ORC3: variants seen among roughly 807,000 people sequenced by gnomAD.
The protein encoded by ORC3 is origin recognition complex subunit 3.
ORC3 carries 78 observed loss-of-function variants against 100.7 expected under a neutral mutation model. The observed-to-expected ratio is 0.77, with a 90% confidence interval of 0.65 to 0.94. ORC3 has a LOEUF of 0.94. Among genes scored for constraint, ORC3 ranks in the 40% least tolerant of loss-of-function variants. The probability of loss-of-function intolerance (pLI) is 0.00; values close to 1 mark genes in which losing one functional copy is unlikely to be tolerated. For synonymous variants in ORC3, 295 were observed against 289.3 expected, an observed-to-expected ratio of 1.02 and a Z score of -0.20; for missense variants, 789 against 823.9, an observed-to-expected ratio of 0.96 and a Z score of 0.52.
chr6:87,605,154 G>T (rs771894598), intron 4 of ORC3, among the ~76,000 whole-genome samples: 4 of 152,136 alleles, frequency 2.6e-5, no homozygotes, highest in Non-Finnish European at 5.9e-5. Flanking sequence ...AATACCAAAA[G>T]AACCCATAGT....
At chr6:87,596,199 T>G (rs1013697074) in intron 2 of ORC3, among the ~76,000 whole-genome samples, 1 of 150,136 alleles carries the variant, frequency 6.7e-6, no homozygotes, top group African/African-American at 2.5e-5. Context: ...CTCAGCATGA[T>G]CTCAGCTCAC....
chr6:87,674,725 C>T, the ORC3 span, among the ~76,000 whole-genome samples: 6 of 149,476 alleles, frequency 4.0e-5, no homozygotes, highest in African/African-American at 1.0e-4. Context: ...CCTCCCGCCT[C>T]GGCCTCCCAA....
chr6:87,610,934 CTTTTTTTTTT>C (rs67349945), intron 7 of ORC3, among the ~76,000 whole-genome samples: 74 of 106,814 alleles, frequency 6.9e-4, no homozygotes, highest in Non-Finnish European at 1.2e-3. Context: ...TAGGACTTTT[CTTTTTTTTTT>C]TTTTTTTTTT....
At chr6:87,605,587 ATGCAGTGAGC>A (rs1181082966) in intron 4 of ORC3, among the ~76,000 whole-genome samples, 7 of 151,870 alleles carry the variant, frequency 4.6e-5, no homozygotes, top group Non-Finnish European at 8.8e-5. Flanking sequence ...GAGGTGAAGG[ATGCAGTGAGC>A]TGAGATTGAG....
At chr6:87,674,686 G>A in the ORC3 span, among the ~76,000 whole-genome samples, 2 of 142,680 alleles carry the variant, frequency 1.4e-5, no homozygotes, top group African/African-American at 5.8e-5. Context: ...GTGTTAGCCA[G>A]GATAGTCTCG....
chr6:87,666,156 G>A (rs1015126727), intron 19 of ORC3, among the ~76,000 whole-genome samples: 10 of 151,906 alleles, frequency 6.6e-5, no homozygotes, highest in South Asian at 4.2e-4. Flanking sequence ...TTTTTGAGAC[G>A]GAGTCTCGTC....
chr6:87,666,267 G>T (rs1304709777), intron 19 of ORC3, among the ~76,000 whole-genome samples: 1 of 151,940 alleles, frequency 6.6e-6, no homozygotes, highest in African/African-American at 2.4e-5. Flanking sequence ...AAGTAGCTGG[G>T]ATTACAGGTG....
chr6:87,602,971 A>AT (rs1778067565), intron 3 of ORC3, among the ~76,000 whole-genome samples: 1 of 56,532 alleles, frequency 1.8e-5, no homozygotes, highest in Admixed American at 2.6e-4. Context: ...ATATATATAT[A>AT]CATATATATA....
At chr6:87,610,339 G>A (rs1207997705) in intron 7 of ORC3, among the ~76,000 whole-genome samples, 1 of 151,960 alleles carries the variant, frequency 6.6e-6, no homozygotes, top group African/African-American at 2.4e-5. Context: ...CTCCCAAGTA[G>A]CTGGGATTAC....
At chr6:87,609,737 A>G (rs923094523) in intron 7 of ORC3, among the ~76,000 whole-genome samples, 1 of 151,844 alleles carries the variant, frequency 6.6e-6, no homozygotes, top group African/African-American at 2.4e-5. Context: ...TTTTTAGTAG[A>G]AACAGAGTTT....
chr6:87,601,790 A>G lies in ORC3; in HGVS notation c.86A>G (p.Tyr29Cys), dbSNP rs747104059. ...KRKISLPIEDYFNKGKNEPED... is the reference protein window; with the variant it reads ...KRKISLPIEDCFNKGKNEPED... ...TATTTCTTTCTGTTTTTAGAGGACT[A>G]TTTTAACAAAGGGAAAAATGAGCCT... The change falls in exon 3 of 20, where the codon TAT (tyrosine) becomes TGT (cysteine). Residue 29 changes from tyrosine (Y) to cysteine (C), a missense_variant. Coordinates refer to ENST00000392844, the MANE Select transcript of ORC3 (RefSeq NM_012381.4). The G allele has an allele frequency of 1.4e-5, 22 of 1,588,356 alleles. No homozygotes were observed. Among genetic ancestry groups the G allele is most frequent in the South Asian group, 5.5e-5 (5 of 90,500 alleles).
At chr6:87,656,719 C>T (rs1316580610) in intron 14 of ORC3, among the ~76,000 whole-genome samples, 187 bp from the exon 15 acceptor site, 3 of 152,044 alleles carry the variant, frequency 2.0e-5, no homozygotes, top group Non-Finnish European at 4.4e-5. Flanking sequence ...GACATCACTA[C>T]AGCACAAGTT....
At chr6:87,639,339 G>A (rs982078313) in intron 13 of ORC3, among the ~76,000 whole-genome samples, 3 of 152,152 alleles carry the variant, frequency 2.0e-5, no homozygotes, top group African/African-American at 4.8e-5. Context: ...GAAGAACATG[G>A]AAGAAAAGGT....
chr6:87,677,267 A>C, the ORC3 span, among the ~76,000 whole-genome samples: 1 of 152,174 alleles, frequency 6.6e-6, no homozygotes, highest in Non-Finnish European at 1.5e-5. Context: ...TATCTAAGCA[A>C]ATTATCTTCT....
At chr6:87,630,902 G>A (rs529537882) in intron 11 of ORC3, among the ~76,000 whole-genome samples, 1 of 151,604 alleles carries the variant, frequency 6.6e-6, no homozygotes, top group East Asian at 1.9e-4. Flanking sequence ...AGACAGTTTC[G>A]CTCTGTCACC....
intron 13 of ORC3, among the ~76,000 whole-genome samples, chr6:87,652,532 G>A (rs1188459032): frequency 1.3e-5 from 2 of 152,190 alleles, no homozygotes; most frequent in Admixed American, 1.3e-4. Context: ...TGTTTATAAA[G>A]CCCATAGGAG....
the ORC3 span, among the ~76,000 whole-genome samples, chr6:87,673,881 T>C: frequency 6.6e-6 from 1 of 151,788 alleles, no homozygotes; most frequent in African/African-American, 2.4e-5. Flanking sequence ...ATCATGCACC[T>C]TATTGCTACC....
chr6:87,594,623 A>C, intron 2 of ORC3: 4 of 1,179,114 alleles, frequency 3.4e-6, no homozygotes, highest in Non-Finnish European at 4.2e-6. Context: ...GGTAAGTTGG[A>C]AGCAAATTTC....
intron 16 of ORC3, among the ~76,000 whole-genome samples, chr6:87,659,608 G>A (rs895042407): frequency 5.3e-5 from 8 of 151,968 alleles, no homozygotes; most frequent in Admixed American, 1.3e-4. Context: ...AAGGCCGGGC[G>A]CATTGGCTCA....
Sources: gnomAD v4.1 joint callset for allele counts (sites outside exome capture counted in the v4.1 genomes callset) on GRCh38, gnomAD v4.1.1 for gene constraint, MANE v1.5 for transcripts, NCBI Gene and HGNC (gene_info 2026-07-23, HGNC 2026-07-21) for gene names.